Variants in SAMD5 observed in about 807,000 individuals in gnomAD.
SAMD5 encodes sterile alpha motif domain-containing protein 5.
In SAMD5, 13 loss-of-function variants were observed where a neutral mutation model predicts 11.3. That is an observed-to-expected ratio of 1.15 (90% CI 0.75 to 1.83). SAMD5 has a LOEUF of 1.83. Ranked by LOEUF, SAMD5 falls within the 40% of genes most tolerant of loss-of-function variation. The pLI is 0.00. For synonymous variants in SAMD5, 129 were observed against 111.3 expected, an observed-to-expected ratio of 1.16 and a Z score of -1.00; for missense variants, 255 against 239.1, an observed-to-expected ratio of 1.07 and a Z score of -0.44.
intron 1 of SAMD5, among the ~76,000 whole-genome samples, chr6:147,511,324 A>T (rs974103834): frequency 6.6e-6 from 1 of 152,258 alleles, no homozygotes; most frequent in Admixed American, 6.5e-5. Flanking sequence ...CAGAAATGTC[A>T]GCACATAGGC....
chr6:147,878,595 A>ACATATATATCTATATAGATATATATG, the SAMD5 span, among the ~76,000 whole-genome samples: 5 of 144,732 alleles, frequency 3.5e-5, no homozygotes, highest in Admixed American at 6.9e-5. Context: ...AGATATATAT[A>ACATATATATCTATATAGATATATATG]CATATATATC....
At chr6:147,585,782 CTT>C (rs1314434880) in intron 1 of SAMD5, among the ~76,000 whole-genome samples, 1 of 152,056 alleles carries the variant, frequency 6.6e-6, no homozygotes, top group African/African-American at 2.4e-5. Context: ...TTCTAAAGAA[CTT>C]TGATTTTCTT....
chr6:147,683,550 C>G (rs1193416134), intron 1 of SAMD5, among the ~76,000 whole-genome samples: 1 of 152,102 alleles, frequency 6.6e-6, no homozygotes, highest in East Asian at 1.9e-4. Flanking sequence ...TCTTCCTCCC[C>G]TTTTTCTTCA....
chr6:147,939,017 T>C, the SAMD5 span, among the ~76,000 whole-genome samples: 3 of 152,192 alleles, frequency 2.0e-5, no homozygotes, highest in Non-Finnish European at 4.4e-5. Context: ...CTGACTTATA[T>C]GCAAAGTCTG....
intron 1 of SAMD5, among the ~76,000 whole-genome samples, chr6:147,695,924 T>A (rs1791168782): frequency 6.6e-6 from 1 of 152,234 alleles, no homozygotes; most frequent in Non-Finnish European, 1.5e-5. Flanking sequence ...TCACCTCTTC[T>A]TTATCTTTCA....
chr6:147,696,044 C>T (rs73014049), intron 1 of SAMD5, among the ~76,000 whole-genome samples: 4,408 of 152,188 alleles, frequency 0.029, 95 homozygotes, highest in Middle Eastern at 0.075. Flanking sequence ...GATGACTAGA[C>T]GGTTCATGTC....
intron 1 of SAMD5, among the ~76,000 whole-genome samples, chr6:147,628,662 A>T (rs1452222520): frequency 1.3e-5 from 2 of 151,930 alleles, no homozygotes; most frequent in African/African-American, 4.8e-5. Flanking sequence ...ATTTTTTTTC[A>T]AACAAAAGAT....
the SAMD5 span, among the ~76,000 whole-genome samples, chr6:147,830,250 T>C: frequency 7.3e-6 from 1 of 137,716 alleles, no homozygotes; most frequent in Non-Finnish European, 1.5e-5. Context: ...TTTCTTTCTT[T>C]CTTTTTTTTT....
chr6:147,802,192 T>G, the SAMD5 span, among the ~76,000 whole-genome samples: 3 of 152,208 alleles, frequency 2.0e-5, no homozygotes, highest in Non-Finnish European at 4.4e-5. Flanking sequence ...TATAATTAAC[T>G]GCTATAATGT....
At chr6:147,909,628 CTT>C in the SAMD5 span, among the ~76,000 whole-genome samples, 1 of 55,194 alleles carries the variant, frequency 1.8e-5, no homozygotes, top group African/African-American at 1.2e-4. Flanking sequence ...TTCTTTCTTT[CTT>C]TCTCTTTCTT....
chr6:147,898,476 T>C, the SAMD5 span, among the ~76,000 whole-genome samples: 10 of 152,338 alleles, frequency 6.6e-5, no homozygotes, highest in African/African-American at 2.4e-4. Context: ...GGATGGGCAC[T>C]TCCTCCCTGC....
intron 1 of SAMD5, among the ~76,000 whole-genome samples, chr6:147,534,155 C>G (rs1218012475): frequency 6.6e-6 from 1 of 152,168 alleles, no homozygotes; most frequent in African/African-American, 2.4e-5. Context: ...AGTTCAGAAC[C>G]CTGTGATGCC....
intron 1 of SAMD5, among the ~76,000 whole-genome samples, chr6:147,731,522 C>A (rs1469122856): frequency 6.6e-6 from 1 of 151,994 alleles, no homozygotes; most frequent in East Asian, 1.9e-4. Flanking sequence ...AATCTATTTC[C>A]TTTATTGTAT....
chr6:147,560,443 A>C (rs1205728591), intron 1 of SAMD5, among the ~76,000 whole-genome samples: 1 of 152,228 alleles, frequency 6.6e-6, no homozygotes, highest in Non-Finnish European at 1.5e-5. Flanking sequence ...CCCAAATTGT[A>C]TGCAAATTTC....
chr6:147,814,586 C>A, the SAMD5 span, among the ~76,000 whole-genome samples: 1 of 152,160 alleles, frequency 6.6e-6, no homozygotes, highest in East Asian at 1.9e-4. Context: ...ACCATCCAAA[C>A]CTCCAGAGCA....
the SAMD5 span, among the ~76,000 whole-genome samples, chr6:147,827,624 C>G: frequency 0.051 from 7,707 of 152,176 alleles, 641 homozygotes; most frequent in African/African-American, 0.17. Context: ...GTCGATGGCT[C>G]TCAGGAAGTG....
chr6:147,572,494 G>A (rs1474581523), downstream of SAMD5, among the ~76,000 whole-genome samples: 1 of 152,096 alleles, frequency 6.6e-6, no homozygotes, highest in Admixed American at 6.5e-5. Flanking sequence ...ATGACACAGT[G>A]AGACAGGGTC....
the SAMD5 span, among the ~76,000 whole-genome samples, chr6:147,777,849 T>A: frequency 6.6e-6 from 1 of 152,214 alleles, no homozygotes; most frequent in Non-Finnish European, 1.5e-5. Context: ...GAACTTCATT[T>A]CTTTTTATGG....
chr6:147,786,818 C>T, the SAMD5 span, among the ~76,000 whole-genome samples: 4 of 152,082 alleles, frequency 2.6e-5, no homozygotes, highest in Non-Finnish European at 5.9e-5. Context: ...GGAGTATTTC[C>T]TTGAGCATCA....
Sources: allele counts gnomAD v4.1 joint callset (sites outside exome capture counted in the v4.1 genomes callset), GRCh38; gene constraint gnomAD v4.1.1; transcripts MANE v1.5; gene names NCBI Gene and HGNC (gene_info 2026-07-23, HGNC 2026-07-21).